Variants in ATP8A1 observed in about 807,000 individuals in gnomAD.
ATP8A1 encodes the protein ATPase phospholipid transporting 8A1.
A neutral mutation model predicts 177.7 loss-of-function variants in ATP8A1; 90 were observed. The observed-to-expected ratio is 0.51, with a 90% CI of 0.43 to 0.60. The LOEUF (loss-of-function observed/expected upper bound fraction) is 0.60. ATP8A1 is among the 20% of genes least tolerant of loss of function. ATP8A1 has a pLI of 0.00. For missense variants in ATP8A1, 1,072 were observed against 1,392.8 expected, an observed-to-expected ratio of 0.77 and a Z score of 3.67; for synonymous variants, 493 against 485.9, an observed-to-expected ratio of 1.01 and a Z score of -0.19.
At chr4:42,534,778 A>G (rs1239158173) in intron 20 of ATP8A1, among the ~76,000 whole-genome samples, 1 of 152,222 alleles carries the variant, frequency 6.6e-6, no homozygotes, top group Admixed American at 6.5e-5. Context: ...CAGGTAACCT[A>G]TAAATGAAAA....
intron 20 of ATP8A1, among the ~76,000 whole-genome samples, chr4:42,541,145 G>A (rs993171268): frequency 2.0e-5 from 3 of 151,536 alleles, no homozygotes; most frequent in Admixed American, 2.0e-4. Context: ...ATGAATAAAT[G>A]AATAAATACA....
Position 42,581,749 on chromosome 4 carries a change from T to C in ATP8A1, c.723-17A>G. On this transcript the variant is annotated splice_polypyrimidine_tract_variant and intron_variant, in intron 9 of 36. Coordinates refer to ENST00000381668, the MANE Select transcript of ATP8A1 (RefSeq NM_006095.2). The stretch of plus-strand genomic sequence containing the variant: ...GGAACGGTGCTAGGACAGATTACGT[T>C]GACATTAGAAACAGTATTTTCTAAA... The C allele has an allele frequency of 6.3e-7, 1 of 1,577,150 alleles. No homozygotes were observed. Among genetic ancestry groups the C allele is most frequent in the Middle Eastern group, 1.7e-4 (1 of 5,986 alleles).
chr4:42,564,558 C>G (rs528328887), intron 15 of ATP8A1, among the ~76,000 whole-genome samples: 4 of 152,204 alleles, frequency 2.6e-5, no homozygotes, highest in African/African-American at 9.7e-5. Context: ...TCTGGACTTG[C>G]GTGGGGCCTG....
Position 42,579,991 on chromosome 4 carries a change from A to G in ATP8A1, c.835-13T>C, listed in dbSNP as rs748690736. 1.9e-5 allele frequency: 30 copies of G among 1,576,140 alleles called. No homozygotes were observed. Among genetic ancestry groups the G allele is most frequent in the Non-Finnish European group, 2.6e-5 (30 of 1,158,666 alleles). Reference sequence around the variant, plus strand: ...GACTTGTTGAATTCTGTAAAAAGAAACAAGATGAGTAATAAAAAATGTACA... The same window carrying G: ...GACTTGTTGAATTCTGTAAAAAGAAGCAAGATGAGTAATAAAAAATGTACA... On this transcript the variant is annotated splice_polypyrimidine_tract_variant and intron_variant, in intron 10 of 36. Coordinates refer to ENST00000381668, the MANE Select transcript of ATP8A1 (RefSeq NM_006095.2).
intron 5 of ATP8A1, among the ~76,000 whole-genome samples, chr4:42,613,291 CATA>C (rs1245225250): frequency 6.6e-6 from 1 of 152,084 alleles, no homozygotes; most frequent in Non-Finnish European, 1.5e-5. Flanking sequence ...ACATAAAAGC[CATA>C]ATTTCTTGGA....
chr4:42,515,162 A>C (rs1012715111), intron 22 of ATP8A1, among the ~76,000 whole-genome samples: 1 of 152,252 alleles, frequency 6.6e-6, no homozygotes, highest in Non-Finnish European at 1.5e-5. Flanking sequence ...AAATGCTCAG[A>C]AAGTGGCAGG....
chr4:42,430,997 G>A (rs1230664788), intron 33 of ATP8A1, among the ~76,000 whole-genome samples: 1 of 151,716 alleles, frequency 6.6e-6, no homozygotes, highest in Non-Finnish European at 1.5e-5. Flanking sequence ...ATTTAACACA[G>A]TCCAGCCTGC....
At chr4:42,525,261 T>C (rs977814380) in intron 20 of ATP8A1, among the ~76,000 whole-genome samples, 1 of 152,226 alleles carries the variant, frequency 6.6e-6, no homozygotes, top group African/African-American at 2.4e-5. Flanking sequence ...CTTGTCTTGC[T>C]GGAATAATCC....
chr4:42,540,607 G>T (rs1385698960), intron 20 of ATP8A1, among the ~76,000 whole-genome samples: 2 of 151,202 alleles, frequency 1.3e-5, no homozygotes, highest in Non-Finnish European at 2.9e-5. Flanking sequence ...CAGCCATAAA[G>T]AATAATGACA....
At chr4:42,557,904 G>A (rs1730408038) in intron 15 of ATP8A1, among the ~76,000 whole-genome samples, 1 of 152,104 alleles carries the variant, frequency 6.6e-6, no homozygotes, top group Non-Finnish European at 1.5e-5. Context: ...TTAGTCAGGT[G>A]TGGTCCCAGC....
intron 5 of ATP8A1, among the ~76,000 whole-genome samples, chr4:42,601,138 C>T (rs1735223299): frequency 6.8e-6 from 1 of 146,704 alleles, no homozygotes; most frequent in African/African-American, 2.5e-5. Flanking sequence ...CAGGTTCAAG[C>T]CATTCTCCTG....
intron 33 of ATP8A1, among the ~76,000 whole-genome samples, chr4:42,435,435 A>AC (rs1349872779): frequency 7.0e-5 from 7 of 100,318 alleles, no homozygotes; most frequent in Admixed American, 1.0e-4. Context: ...TCAAAAAAAA[A>AC]AAAAAAAAAA....
chr4:42,629,353 A>T (rs762698392), intron 1 of ATP8A1, among the ~76,000 whole-genome samples: 4 of 152,248 alleles, frequency 2.6e-5, no homozygotes, highest in African/African-American at 4.8e-5. Flanking sequence ...CACAGACAAC[A>T]TAGGCTTTCT....
chr4:42,471,052 A>G (rs1720345841), intron 25 of ATP8A1, among the ~76,000 whole-genome samples: 1 of 152,238 alleles, frequency 6.6e-6, no homozygotes, highest in South Asian at 2.1e-4. Flanking sequence ...CATTGAGAAA[A>G]AATTAAGATA....
chr4:42,514,859 G>C (rs1725370276), intron 22 of ATP8A1, among the ~76,000 whole-genome samples: 1 of 152,072 alleles, frequency 6.6e-6, no homozygotes, highest in African/African-American at 2.4e-5. Context: ...TAATAACGTA[G>C]ATTTAATAAG....
chr4:42,590,679 T>A, intron 7 of ATP8A1, 132 bp downstream of exon 7: 1 of 754,574 alleles, frequency 1.3e-6, no homozygotes. Flanking sequence ...GAAATGTCCA[T>A]CACCAAGCAG....
In ATP8A1 at chr4:42,615,921, AC is replaced by A. The variant is rs1454987882; in HGVS notation, c.409+111del. ...AAAGCAAAAATCAATCTACCCCAAAACAAAAACTTGAGATGCACACTATTTG... is the reference window on the plus strand; with the variant it reads ...AAAGCAAAAATCAATCTACCCCAAAAAAAAACTTGAGATGCACACTATTTG... On this transcript the variant is annotated intron_variant, in intron 5 of 36. Coordinates refer to ENST00000381668, the MANE Select transcript of ATP8A1 (RefSeq NM_006095.2). 158 of 1,021,548 alleles carry A rather than the reference AC, an allele frequency of 1.5e-4. 1 individual carries two copies. The South Asian group carries it at 2.4e-3, about 16-fold the overall frequency. The allele number at this position is 1,021,548 out of a possible 1,614,324, so 63.3% of individuals were successfully genotyped here.
At chr4:42,496,913 T>C (rs1406484557) in intron 24 of ATP8A1, among the ~76,000 whole-genome samples, 1 of 152,162 alleles carries the variant, frequency 6.6e-6, no homozygotes, top group Non-Finnish European at 1.5e-5. Flanking sequence ...CAGAATTCCA[T>C]AATCACAAGA....
chr4:42,553,266 C>T (rs1729693049), intron 16 of ATP8A1, among the ~76,000 whole-genome samples: 1 of 152,086 alleles, frequency 6.6e-6, no homozygotes, highest in East Asian at 1.9e-4. Flanking sequence ...GTTCATTTAC[C>T]TAGTTGTAAT....
Sources: gnomAD v4.1 joint callset for allele counts (sites outside exome capture counted in the v4.1 genomes callset) on GRCh38, gnomAD v4.1.1 for gene constraint, MANE v1.5 for transcripts, NCBI Gene and HGNC (gene_info 2026-07-23, HGNC 2026-07-21) for gene names.